PLSCR4: variants seen among roughly 807,000 people sequenced by gnomAD.
PLSCR4 encodes the protein Ca(2+)-dependent phospholipid scramblase 4.
Under a neutral mutation model 36.3 loss-of-function variants are expected in PLSCR4, and 25 were observed. The observed-to-expected ratio is 0.69, with a 90% CI of 0.50 to 0.96. PLSCR4 has a LOEUF of 0.96. Among genes scored for constraint, PLSCR4 ranks in the 40% least tolerant of loss-of-function variants. PLSCR4 has a pLI of 0.00. For synonymous variants in PLSCR4, 122 were observed against 132.9 expected, an observed-to-expected ratio of 0.92 and a Z score of 0.56; for missense variants, 408 against 414.7, an observed-to-expected ratio of 0.98 and a Z score of 0.14.
At chr3:146,226,585 A>G (rs1042775218) in intron 1 of PLSCR4, among the ~76,000 whole-genome samples, 3 of 152,212 alleles carry the variant, frequency 2.0e-5, no homozygotes, top group Non-Finnish European at 4.4e-5. Flanking sequence ...TAATTTCAAA[A>G]TAAAACTTGG....
At chr3:146,216,528 A>C (rs575760671) in intron 3 of PLSCR4, among the ~76,000 whole-genome samples, 1 of 152,346 alleles carries the variant, frequency 6.6e-6, no homozygotes, top group African/African-American at 2.4e-5. Flanking sequence ...TAAACCTTGT[A>C]ATCTTTACAT....
intron 3 of PLSCR4, among the ~76,000 whole-genome samples, chr3:146,209,521 T>C (rs1270639942): frequency 6.6e-6 from 1 of 152,140 alleles, no homozygotes; most frequent in Non-Finnish European, 1.5e-5. Flanking sequence ...AGATAAGCAG[T>C]GGTAACTTTG....
At chr3:146,244,634 G>T (rs1343546070) in intron 1 of PLSCR4, among the ~76,000 whole-genome samples, 2 of 152,174 alleles carry the variant, frequency 1.3e-5, no homozygotes, top group Admixed American at 6.5e-5. Flanking sequence ...CTTAGTAAGT[G>T]TTGTTGTGAC....
intron 3 of PLSCR4, among the ~76,000 whole-genome samples, chr3:146,219,438 ATAATT>A (rs2035040513): frequency 6.6e-6 from 1 of 152,186 alleles, no homozygotes; most frequent in Admixed American, 6.5e-5. Flanking sequence ...TTATAATTTA[ATAATT>A]TAATTTTTAA....
intron 1 of PLSCR4, among the ~76,000 whole-genome samples, chr3:146,246,089 G>A (rs2036326769): frequency 2.0e-5 from 3 of 152,026 alleles, no homozygotes; most frequent in African/African-American, 7.2e-5. Context: ...TGAAATTAGA[G>A]AAACGAATTC....
chr3:146,246,106 T>C (rs2036327899), intron 1 of PLSCR4, among the ~76,000 whole-genome samples: 1 of 152,110 alleles, frequency 6.6e-6, no homozygotes, highest in African/African-American at 2.4e-5. Context: ...ATTCCAGGCT[T>C]GCACAAAAGA....
At chr3:146,230,694 A>G (rs902729468) in intron 1 of PLSCR4, among the ~76,000 whole-genome samples, 9 of 152,152 alleles carry the variant, frequency 5.9e-5, no homozygotes, top group Non-Finnish European at 4.4e-5. Context: ...GAGGGAAAGG[A>G]GAGGGACAGG....
chr3:146,229,605 A>AT (rs1294021130), intron 1 of PLSCR4, among the ~76,000 whole-genome samples: 53 of 107,764 alleles, frequency 4.9e-4, no homozygotes, highest in African/African-American at 2.3e-3. Context: ...TTATTTATTT[A>AT]TTTATTTATT....
intron 1 of PLSCR4, among the ~76,000 whole-genome samples, chr3:146,225,072 T>C (rs1028782755): frequency 2.5e-4 from 37 of 147,186 alleles, no homozygotes; most frequent in African/African-American, 9.2e-4. Flanking sequence ...TTACAATCCC[T>C]GAGATAGACA....
intron 1 of PLSCR4, among the ~76,000 whole-genome samples, chr3:146,237,426 C>T (rs1006918542): frequency 6.6e-6 from 1 of 152,040 alleles, no homozygotes; most frequent in Admixed American, 6.5e-5. Context: ...TAGCAGAATA[C>T]CTGATTTTCA....
chr3:146,221,181 T>C (rs2035125291), intron 2 of PLSCR4, among the ~76,000 whole-genome samples: 1 of 152,198 alleles, frequency 6.6e-6, no homozygotes, highest in African/African-American at 2.4e-5. Context: ...TGAGCTTTCA[T>C]ACTAGTGGTT....
At chr3:146,224,700 T>C (rs1371281532) in intron 1 of PLSCR4, among the ~76,000 whole-genome samples, 1 of 152,108 alleles carries the variant, frequency 6.6e-6, no homozygotes, top group African/African-American at 2.4e-5. Context: ...TTGCCAATGC[T>C]GGCTCGGGCA....
chr3:146,223,430 T>C (rs2035269374), intron 1 of PLSCR4, among the ~76,000 whole-genome samples: 1 of 152,182 alleles, frequency 6.6e-6, no homozygotes, highest in East Asian at 1.9e-4. Flanking sequence ...AACTCTCTAA[T>C]GTGTAAATGG....
chr3:146,241,745 G>A (rs906604607), intron 1 of PLSCR4, among the ~76,000 whole-genome samples: 13 of 151,998 alleles, frequency 8.6e-5, no homozygotes, highest in Non-Finnish European at 1.9e-4. Context: ...CATTCACCCA[G>A]ACAGACCACA....
chr3:146,197,938 T>C (rs1197741034), intron 6 of PLSCR4, among the ~76,000 whole-genome samples: 2 of 151,984 alleles, frequency 1.3e-5, no homozygotes, highest in East Asian at 1.9e-4. Context: ...ACCTATGAGA[T>C]AAAAATAAAA....
chr3:146,201,740 C>G (rs370985409), intron 4 of PLSCR4, among the ~76,000 whole-genome samples: 1 of 151,964 alleles, frequency 6.6e-6, no homozygotes, highest in South Asian at 2.1e-4. Flanking sequence ...TAGATGGCAA[C>G]CCATGAAAAG....
Position 146,243,238 on chromosome 3 carries a change from C to CT in PLSCR4, c.-22+7721dup, listed in dbSNP as rs11300769. 9.7e-4 allele frequency among the ~76,000 whole-genome samples: 147 copies of CT among 151,538 alleles called. 1 individual carries two copies. The highest frequency in any genetic ancestry group is 3.4e-3 in the Middle Eastern group (1 of 292). On this transcript the variant is annotated intron_variant, in intron 1 of 8. Transcript: ENST00000354952. The stretch of plus-strand genomic sequence containing the variant: ...AATATGCTCTACCAACTGTATACAT[C>CT]TTTTTTTTTATTATACTTTAAGTTT...
At chr3:146,246,668 A>C (rs146323046) in intron 1 of PLSCR4, among the ~76,000 whole-genome samples, 156 of 152,232 alleles carry the variant, frequency 1.0e-3, no homozygotes, top group African/African-American at 3.6e-3. Flanking sequence ...TTACCATGCC[A>C]ACTATGATTA....
chr3:146,241,299 T>C (rs915033831), intron 1 of PLSCR4, among the ~76,000 whole-genome samples: 2 of 152,170 alleles, frequency 1.3e-5, no homozygotes, highest in African/African-American at 4.8e-5. Flanking sequence ...ACTGTACACT[T>C]TGAATGGGTG....
Sources: allele counts gnomAD v4.1 joint callset (sites outside exome capture counted in the v4.1 genomes callset), GRCh38; gene constraint gnomAD v4.1.1; transcripts MANE v1.5; gene names NCBI Gene and HGNC (gene_info 2026-07-23, HGNC 2026-07-21).